The following ZUP1 variants were observed in gnomAD, a reference collection of about 807,000 sequenced individuals.
ZUP1 encodes the protein zinc finger-containing ubiquitin peptidase 1.
ZUP1 carries 55 observed loss-of-function variants against 68.1 expected under a neutral mutation model. That is an observed-to-expected ratio of 0.81 (90% CI 0.65 to 1.01). The LOEUF is 1.01. Ranked by LOEUF, ZUP1 falls within the 50% of genes least tolerant of loss-of-function variation. The probability of loss-of-function intolerance (pLI) is 0.00; values close to 1 mark genes in which losing one functional copy is unlikely to be tolerated. For missense variants in ZUP1, 684 were observed against 674.9 expected (o/e 1.01, Z -0.15); for synonymous variants, 223 against 221.5 (o/e 1.01, Z -0.06).
chr6:116,646,491 T>C lies in ZUP1; in HGVS notation c.1469-557A>G, dbSNP rs149710749. Among the ~76,000 whole-genome samples, 219 of 152,286 alleles carry C rather than the reference T, an allele frequency of 1.4e-3. 5 individuals are homozygous for C. The East Asian group carries it at 0.02, about 14-fold the overall frequency. The stretch of plus-strand genomic sequence containing the variant: ...AACAAAACAGACAAACGTGCCTGTG[T>C]TCTTGGAACTTATATTCTAATAGGA... On this transcript the variant is annotated intron_variant, in intron 8 of 9. Transcript: ENST00000368576.
intron 9 of ZUP1, among the ~76,000 whole-genome samples, chr6:116,636,446 T>C (rs1562396074): frequency 3.0e-5 from 3 of 100,592 alleles, no homozygotes; most frequent in Non-Finnish European, 6.9e-5. Context: ...TGAAAAAGAA[T>C]TAAGGAACAT....
At position 116,645,923 on chromosome 6, in the gene ZUP1, T is replaced by C. The variant is rs777093931; in HGVS notation, c.1480A>G (p.Thr494Ala). The C allele has an allele frequency of 1.2e-6, 2 of 1,612,278 alleles. No individual in the cohort carries two copies. Among genetic ancestry groups the C allele is most frequent in the Non-Finnish European group, 1.7e-6 (2 of 1,179,222 alleles). Reference sequence around the variant, plus strand: ...TTTTTCTCTTCAATTCCAATAACAGTTCGACTGTGACCTATCAAAAGATTT... The same window carrying C: ...TTTTTCTCTTCAATTCCAATAACAGCTCGACTGTGACCTATCAAAAGATTT... ...IYLQHQGHSRTVIGIEEKKNR... is the reference protein window; with the variant it reads ...IYLQHQGHSRAVIGIEEKKNR... Residue 494 changes from threonine (T) to alanine (A), a missense_variant, in exon 9 of 10, where the codon ACT becomes GCT. Transcript: ENST00000368576.
intron 3 of ZUP1, chr6:116,660,508 T>C (rs990827621): frequency 1.2e-5 from 5 of 409,820 alleles, no homozygotes; most frequent in Non-Finnish European, 2.2e-5. Flanking sequence ...TTTGTAAAAT[T>C]TTATGTGCCA....
rs555184219 is a variant in ZUP1 at position 116,665,121 on chromosome 6, GA to G, written c.559+1512del. Among the ~76,000 whole-genome samples the G allele has an allele frequency of 2.0e-5, 3 of 151,826 alleles. No individual in the cohort carries two copies. The East Asian group carries it at 5.8e-4, about 29-fold the overall frequency. ...TTGAAAATATATTTTAAAAGCAACT[GA>G]AAAAAACTCAAAAAATATTTGACAA... On this transcript the variant is annotated intron_variant, in intron 2 of 9. Transcript: ENST00000368576.
At chr6:116,663,307 T>G (rs916591401) in intron 2 of ZUP1, among the ~76,000 whole-genome samples, 1 of 152,226 alleles carries the variant, frequency 6.6e-6, no homozygotes, top group Non-Finnish European at 1.5e-5. Flanking sequence ...CTTCTCTATA[T>G]GATAATCATT....
intron 2 of ZUP1, 71 bp downstream of exon 2, chr6:116,666,563 C>A: frequency 1.5e-6 from 2 of 1,373,844 alleles, no homozygotes; most frequent in Non-Finnish European, 1.9e-6. Flanking sequence ...GACTTACAAA[C>A]CAACTTTTAA....
chr6:116,651,938 GCTATATCATT>G (rs1440197164), intron 6 of ZUP1, 56 bp downstream of exon 6: 3 of 1,520,410 alleles, frequency 2.0e-6, no homozygotes, highest in African/African-American at 2.8e-5. Flanking sequence ...AATTGTGTAT[GCTATATCATT>G]CTATATCATA....
At chr6:116,652,477 A>C (rs1449260088) in intron 5 of ZUP1, among the ~76,000 whole-genome samples, 1 of 152,174 alleles carries the variant, frequency 6.6e-6, no homozygotes, top group African/African-American at 2.4e-5. Context: ...TTGTGTCTCC[A>C]TTTTATTGTA....
intron 2 of ZUP1, among the ~76,000 whole-genome samples, chr6:116,661,496 C>T (rs1412683558): frequency 6.6e-6 from 1 of 152,172 alleles, no homozygotes; most frequent in Non-Finnish European, 1.5e-5. Flanking sequence ...TGGTAAGGTG[C>T]TGAACTTAAA....
chr6:116,645,842 G>C lies in ZUP1; in HGVS notation c.1561C>G (p.Gln521Glu). Residue 521 changes from glutamine to glutamate, a missense_variant, in exon 9 of 10, where the codon CAG becomes GAG. Gln to Glu is a conservative substitution (Grantham distance 29, BLOSUM62 2). Coordinates refer to ENST00000368576, the MANE Select transcript of ZUP1 (RefSeq NM_145062.3). ...LDPGCPSREM[Q>E]KLLKQDIEAS... ...TCTATGTCTTGCTTTAATAATTTCT[G>C]CATTTCTCGAGAAGGACATCCAGGA... 1 of 1,613,800 alleles carries C rather than the reference G, an allele frequency of 6.2e-7. No homozygotes were observed. Among genetic ancestry groups the C allele is most frequent in the South Asian group, 1.1e-5 (1 of 91,068 alleles).
At chr6:116,641,406 A>G (rs1318451600) in intron 9 of ZUP1, among the ~76,000 whole-genome samples, 1 of 152,208 alleles carries the variant, frequency 6.6e-6, no homozygotes, top group Non-Finnish European at 1.5e-5. Context: ...GCACCACACC[A>G]CACCTATTCC....
chr6:116,665,413 A>G (rs1562413308), intron 2 of ZUP1, among the ~76,000 whole-genome samples: 1 of 152,162 alleles, frequency 6.6e-6, no homozygotes, highest in Non-Finnish European at 1.5e-5. Flanking sequence ...TCCATGAAAG[A>G]AGAAATTGTC....
intron 8 of ZUP1, 86 bp from the exon 9 acceptor site, chr6:116,646,020 T>G: frequency 1.1e-6 from 1 of 938,560 alleles, no homozygotes. Flanking sequence ...TGTGATCATA[T>G]GTGTGTTTAG....
At chr6:116,637,553 G>A (rs1392444454) in intron 9 of ZUP1, among the ~76,000 whole-genome samples, 1 of 152,174 alleles carries the variant, frequency 6.6e-6, no homozygotes, top group Non-Finnish European at 1.5e-5. Flanking sequence ...CAAATGCACA[G>A]TGCAGAAAGC....
intron 5 of ZUP1, among the ~76,000 whole-genome samples, chr6:116,653,324 A>G (rs892380756): frequency 3.3e-5 from 5 of 152,078 alleles, no homozygotes; most frequent in Non-Finnish European, 7.4e-5. Flanking sequence ...TACATACTCT[A>G]CAGACTCTGT....
Position 116,656,781 on chromosome 6 carries a change from A to G in ZUP1, c.864T>C (p.Asn288=). Reference sequence around the variant, plus strand: ...ATTCAGATGGAGGCATTCTTCCCCTATTTACTTCTATCTCCATATTTCGTA... The same window carrying G: ...ATTCAGATGGAGGCATTCTTCCCCTGTTTACTTCTATCTCCATATTTCGTA... The part of the protein sequence containing the change: ...QQLRNMEIEV[N]RGRMPPSEFH... Residue 288 remains asparagine (N), a synonymous_variant, in exon 5 of 10, where the codon AAT becomes AAC. Coordinates refer to ENST00000368576, the MANE Select transcript of ZUP1 (RefSeq NM_145062.3). 1.2e-6 allele frequency: 2 copies of G among 1,611,016 alleles called. No individual in the cohort carries two copies. The highest frequency in any genetic ancestry group is 1.7e-6 in the Non-Finnish European group (2 of 1,177,940).
rs1776293353 is a variant in ZUP1, at chr6:116,645,946, T to TAAAA, written c.1469-13_1469-12insTTTT. ...AGTTCGACTGTGACCTATCAAAAGA[T>TAAAA]TTTTAAGTTATACATACGTCACATC... On this transcript the variant is annotated splice_polypyrimidine_tract_variant and intron_variant, in intron 8 of 9. Coordinates refer to ENST00000368576, the MANE Select transcript of ZUP1 (RefSeq NM_145062.3). The TAAAA allele has an allele frequency of 4.4e-6, 7 of 1,594,980 alleles. No homozygotes were observed. The East Asian group carries it at 1.6e-4, about 36-fold the overall frequency.
At chr6:116,638,922 C>T (rs901177648) in intron 9 of ZUP1, among the ~76,000 whole-genome samples, 23 of 152,214 alleles carry the variant, frequency 1.5e-4, no homozygotes, top group African/African-American at 5.3e-4. Flanking sequence ...TCAGGGAGTC[C>T]CCTTTCCTGG....
intron 8 of ZUP1, among the ~76,000 whole-genome samples, chr6:116,647,169 G>A (rs1299045373): frequency 1.3e-5 from 2 of 152,118 alleles, no homozygotes; most frequent in Non-Finnish European, 2.9e-5. Context: ...GACCAGCCTG[G>A]CCAACATGGT....
Sources: gnomAD v4.1 joint callset for allele counts (sites outside exome capture counted in the v4.1 genomes callset) on GRCh38, gnomAD v4.1.1 for gene constraint, MANE v1.5 for transcripts, NCBI Gene and HGNC (gene_info 2026-07-23, HGNC 2026-07-21) for gene names.